The following NAALADL2 variants were observed in gnomAD, a reference collection of about 807,000 sequenced individuals.
The protein encoded by NAALADL2 is N-acetylated alpha-linked acidic dipeptidase like 2.
Under a neutral mutation model 87.2 loss-of-function variants are expected in NAALADL2, and 76 were observed. The observed-to-expected ratio is 0.87, with a 90% confidence interval of 0.72 to 1.05. The LOEUF is 1.05. Among genes scored for constraint, NAALADL2 ranks in the 50% least tolerant of loss-of-function variants. NAALADL2 has a pLI of 0.00. For synonymous variants in NAALADL2, 354 were observed against 331.0 expected, an observed-to-expected ratio of 1.07 and a Z score of -0.75; for missense variants, 1,089 against 945.8, an observed-to-expected ratio of 1.15 and a Z score of -1.99.
intron 2 of NAALADL2, among the ~76,000 whole-genome samples, chr3:174,645,048 A>G (rs1723637214): frequency 6.6e-6 from 1 of 152,190 alleles, no homozygotes; most frequent in South Asian, 2.1e-4. Context: ...AGATTCACAG[A>G]GGCTGGGTTC....
At chr3:175,661,990 T>TCCATACAC (rs1224742570) in intron 11 of NAALADL2, among the ~76,000 whole-genome samples, 2 of 152,048 alleles carry the variant, frequency 1.3e-5, no homozygotes, top group Admixed American at 1.3e-4. Context: ...CTTTTGTGGT[T>TCCATACAC]CCATACACAT....
At chr3:174,481,914 C>G (rs1040250135) in intron 1 of NAALADL2, among the ~76,000 whole-genome samples, 2 of 151,976 alleles carry the variant, frequency 1.3e-5, no homozygotes, top group African/African-American at 4.8e-5. Flanking sequence ...AGGTGCATCC[C>G]AAAATTCCAG....
At chr3:174,856,706 A>T (rs1349291431), upstream of NAALADL2, among the ~76,000 whole-genome samples, 3 of 152,112 alleles carry the variant, frequency 2.0e-5, no homozygotes, top group Non-Finnish European at 4.4e-5. Flanking sequence ...AAAAGATGAA[A>T]GTTTTGAGTT....
chr3:175,409,114 T>C (rs1485217221), intron 5 of NAALADL2, among the ~76,000 whole-genome samples: 2 of 151,994 alleles, frequency 1.3e-5, no homozygotes, highest in African/African-American at 4.8e-5. Context: ...GAGATTTTTC[T>C]TTTCCACATG....
At chr3:174,621,194 C>T (rs1254662532) in intron 2 of NAALADL2, among the ~76,000 whole-genome samples, 1 of 152,028 alleles carries the variant, frequency 6.6e-6, no homozygotes, top group Non-Finnish European at 1.5e-5. Context: ...TAATTTGAGG[C>T]CTTGAAGCAC....
At chr3:175,349,066 T>C (rs1763456096) in intron 5 of NAALADL2, among the ~76,000 whole-genome samples, 1 of 152,108 alleles carries the variant, frequency 6.6e-6, no homozygotes. Context: ...AATTAGTCTT[T>C]TGTGGGGGAC....
chr3:175,430,477 A>G (rs560037765), intron 5 of NAALADL2, among the ~76,000 whole-genome samples: 3 of 151,980 alleles, frequency 2.0e-5, no homozygotes, highest in Non-Finnish European at 4.4e-5. Context: ...GGAATATTTC[A>G]TCTTTTTGTT....
chr3:175,010,969 A>G (rs145603394), intron 1 of NAALADL2, among the ~76,000 whole-genome samples: 213 of 152,294 alleles, frequency 1.4e-3, no homozygotes, highest in Non-Finnish European at 2.2e-3. Flanking sequence ...ATAAAGTAAT[A>G]AAGAGATTAC....
intron 1 of NAALADL2, among the ~76,000 whole-genome samples, chr3:174,925,338 C>G (rs969752731): frequency 1.3e-5 from 2 of 152,120 alleles, no homozygotes; most frequent in African/African-American, 4.8e-5. Flanking sequence ...ATCCTTTCCC[C>G]ATTTCTTGTT....
intron 9 of NAALADL2, among the ~76,000 whole-genome samples, chr3:175,479,892 G>C (rs796952487): frequency 1.3e-4 from 20 of 151,820 alleles, no homozygotes; most frequent in African/African-American, 3.6e-4. Context: ...GCCATGGATA[G>C]TAATTTTATG....
At chr3:175,137,497 CTTAAAA>C (rs975572898) in intron 2 of NAALADL2, among the ~76,000 whole-genome samples, 2 of 151,814 alleles carry the variant, frequency 1.3e-5, no homozygotes, top group African/African-American at 4.8e-5. Flanking sequence ...CTTTTTTAAC[CTTAAAA>C]TTAATATTTC....
At chr3:175,195,122 A>C (rs1194991238) in intron 2 of NAALADL2, among the ~76,000 whole-genome samples, 3 of 151,720 alleles carry the variant, frequency 2.0e-5, no homozygotes, top group African/African-American at 7.2e-5. Flanking sequence ...CATTTATGCC[A>C]GTAATGATAG....
intron 1 of NAALADL2, among the ~76,000 whole-genome samples, chr3:174,882,704 TG>T (rs1363282818): frequency 6.8e-6 from 1 of 148,110 alleles, no homozygotes; most frequent in African/African-American, 2.5e-5. Context: ...TATATACATG[TG>T]TATCTACACA....
intron 1 of NAALADL2, among the ~76,000 whole-genome samples, chr3:174,494,588 C>T (rs760963873): frequency 1.3e-5 from 2 of 148,852 alleles, no homozygotes; most frequent in Non-Finnish European, 1.5e-5. Flanking sequence ...CAAACCTGCA[C>T]GTTGTGCACA....
At chr3:174,741,549 TC>T (rs1026267722) in intron 3 of NAALADL2, among the ~76,000 whole-genome samples, 6 of 151,648 alleles carry the variant, frequency 4.0e-5, no homozygotes, top group Non-Finnish European at 7.4e-5. Context: ...GAATCTTCTG[TC>T]CCTCTCAGAG....
At chr3:175,300,147 G>A (rs138174059) in intron 4 of NAALADL2, among the ~76,000 whole-genome samples, 2,036 of 152,234 alleles carry the variant, frequency 0.013, 51 homozygotes, top group African/African-American at 0.046. Context: ...TGACTTGATC[G>A]TGGTGGATAA....
At chr3:175,794,934 C>T (rs948899218) in intron 13 of NAALADL2, among the ~76,000 whole-genome samples, 15 of 152,136 alleles carry the variant, frequency 9.9e-5, no homozygotes, top group African/African-American at 2.4e-4. Flanking sequence ...CAGCCTGGCC[C>T]GGTTCTGGAG....
chr3:174,714,257 T>C (rs1303122648), intron 2 of NAALADL2, among the ~76,000 whole-genome samples: 1 of 152,222 alleles, frequency 6.6e-6, no homozygotes, highest in Non-Finnish European at 1.5e-5. Context: ...TTTGTTCTTT[T>C]GGCTTAGGAT....
intron 13 of NAALADL2, among the ~76,000 whole-genome samples, chr3:175,768,119 T>C (rs1364772027): frequency 1.3e-5 from 2 of 152,146 alleles, no homozygotes; most frequent in African/African-American, 4.8e-5. Flanking sequence ...CACCGGGTTT[T>C]ACTGGGATTG....
Sources: allele counts gnomAD v4.1 joint callset (sites outside exome capture counted in the v4.1 genomes callset), GRCh38; gene constraint gnomAD v4.1.1; transcripts MANE v1.5; gene names NCBI Gene and HGNC (gene_info 2026-07-23, HGNC 2026-07-21).